Variants in CDYL2 observed in about 807,000 individuals in gnomAD.
The protein encoded by CDYL2 is chromodomain Y like 2.
In CDYL2, 23 loss-of-function variants were observed where a neutral mutation model predicts 49.4. That is an observed-to-expected ratio of 0.47 (90% CI 0.34 to 0.66). The LOEUF is 0.66. Among genes scored for constraint, CDYL2 ranks in the 30% least tolerant of loss-of-function variants. CDYL2 has a pLI of 0.01. For missense variants in CDYL2, 678 were observed against 656.4 expected (o/e 1.03, Z -0.36); for synonymous variants, 360 against 268.8 (o/e 1.34, Z -3.32).
At position 80,637,956 on chromosome 16, in the gene CDYL2, G is replaced by A. The variant is rs150741140; in HGVS notation, c.617-4720C>T. Reference sequence around the variant, plus strand: ...TGACAGCATCCAAAACAGGAAATACGTAGATATAAATCTAACAAAATATGT... The same window carrying A: ...TGACAGCATCCAAAACAGGAAATACATAGATATAAATCTAACAAAATATGT... On this transcript the variant is annotated intron_variant, in intron 2 of 6. Coordinates refer to ENST00000570137, the MANE Select transcript of CDYL2 (RefSeq NM_152342.4). 5.0e-3 allele frequency among the ~76,000 whole-genome samples: 756 copies of A among 152,220 alleles called. 2 individuals carry two copies. Among genetic ancestry groups the A allele is most frequent in the African/African-American group, 0.017 (706 of 41,540 alleles).
intron 2 of CDYL2, among the ~76,000 whole-genome samples, chr16:80,678,423 C>T (rs1037569136): frequency 5.9e-5 from 9 of 152,102 alleles, no homozygotes; most frequent in African/African-American, 1.9e-4. Flanking sequence ...AAGAGAAAAA[C>T]AAACAACCCC....
chr16:80,765,696 T>C (rs1426019248), intron 1 of CDYL2, among the ~76,000 whole-genome samples: 2 of 125,288 alleles, frequency 1.6e-5, no homozygotes, highest in East Asian at 2.3e-4. Flanking sequence ...ATAAGCAAAA[T>C]GTAATCTATC....
intron 2 of CDYL2, among the ~76,000 whole-genome samples, chr16:80,634,325 G>A (rs1907715367): frequency 6.6e-6 from 1 of 152,168 alleles, no homozygotes; most frequent in African/African-American, 2.4e-5. Flanking sequence ...CATAAAAAAG[G>A]ATGAGTTCAT....
intron 1 of CDYL2, among the ~76,000 whole-genome samples, chr16:80,715,855 GC>G (rs1362410527): frequency 6.6e-6 from 1 of 152,134 alleles, no homozygotes; most frequent in Non-Finnish European, 1.5e-5. Flanking sequence ...TGGCCCTTGT[GC>G]CCTGGAAAGT....
intron 2 of CDYL2, chr16:80,639,773 A>G (rs1279682151): frequency 2.2e-6 from 1 of 455,418 alleles, no homozygotes; most frequent in Non-Finnish European, 4.4e-6. Flanking sequence ...CTGAAGCAGT[A>G]GTGTGGTATG....
At chr16:80,782,859 T>C (rs1907317961) in intron 1 of CDYL2, among the ~76,000 whole-genome samples, 1 of 152,070 alleles carries the variant, frequency 6.6e-6, no homozygotes, top group Non-Finnish European at 1.5e-5. Flanking sequence ...CTTAACATCA[T>C]AAAAGATAAT....
At chr16:80,672,659 C>T (rs1013000767) in intron 2 of CDYL2, among the ~76,000 whole-genome samples, 1 of 151,774 alleles carries the variant, frequency 6.6e-6, no homozygotes, top group African/African-American at 2.4e-5. Flanking sequence ...TCTGGCTCTA[C>T]CTTGTTACCA....
intron 2 of CDYL2, among the ~76,000 whole-genome samples, chr16:80,665,168 T>C (rs1909207866): frequency 6.6e-6 from 1 of 152,174 alleles, no homozygotes; most frequent in African/African-American, 2.4e-5. Context: ...ACAAATCTTC[T>C]TAATTAAAAT....
At chr16:80,705,277 G>C (rs576477417) in intron 1 of CDYL2, among the ~76,000 whole-genome samples, 1 of 152,234 alleles carries the variant, frequency 6.6e-6, no homozygotes, top group Non-Finnish European at 1.5e-5. Flanking sequence ...CCGTCCCTCA[G>C]GGTCAGGTGG....
rs530994116 is a variant in CDYL2 at position 80,790,103 on chromosome 16, G to A, written c.24+14047C>T. Among the ~76,000 whole-genome samples, 10 of 152,266 alleles carry A rather than the reference G, an allele frequency of 6.6e-5. No homozygotes were observed. The East Asian group carries it at 1.5e-3, about 23-fold the overall frequency. On this transcript the variant is annotated intron_variant, in intron 1 of 6. Coordinates refer to ENST00000570137, the MANE Select transcript of CDYL2 (RefSeq NM_152342.4). Reference sequence around the variant, plus strand: ...TATAACTGTTTTTTACAATTATTATGAAGCATATTCAAGAAAAATAAGAAG... The same window carrying A: ...TATAACTGTTTTTTACAATTATTATAAAGCATATTCAAGAAAAATAAGAAG...
chr16:80,780,066 T>A (rs140386537), intron 1 of CDYL2, among the ~76,000 whole-genome samples: 58 of 152,184 alleles, frequency 3.8e-4, no homozygotes, highest in Non-Finnish European at 6.5e-4. Context: ...AAACTTCATA[T>A]AATCTAAGGA....
chr16:80,628,562 C>T (rs776238584), intron 3 of CDYL2, among the ~76,000 whole-genome samples: 8 of 152,172 alleles, frequency 5.3e-5, no homozygotes, highest in African/African-American at 1.2e-4. Flanking sequence ...TGTAAGAGAC[C>T]TTGAGCTGGA....
At chr16:80,666,440 A>T (rs1435952553) in intron 2 of CDYL2, among the ~76,000 whole-genome samples, 1 of 152,184 alleles carries the variant, frequency 6.6e-6, no homozygotes, top group African/African-American at 2.4e-5. Flanking sequence ...CTGCAGCCCA[A>T]ATGAGATGCA....
At chr16:80,779,808 A>C (rs534657934) in intron 1 of CDYL2, among the ~76,000 whole-genome samples, 5 of 152,164 alleles carry the variant, frequency 3.3e-5, no homozygotes, top group Non-Finnish European at 7.4e-5. Context: ...GCAAAGACAG[A>C]CTAGAAGGAT....
chr16:80,610,149 G>A (rs760796209), intron 5 of CDYL2, among the ~76,000 whole-genome samples: 3 of 152,188 alleles, frequency 2.0e-5, no homozygotes, highest in Admixed American at 6.5e-5. Context: ...AAGGGACAAT[G>A]CTTATCAGCC....
At chr16:80,627,309 C>T (rs545500517) in intron 3 of CDYL2, among the ~76,000 whole-genome samples, 1 of 152,100 alleles carries the variant, frequency 6.6e-6, no homozygotes, top group East Asian at 1.9e-4. Context: ...AAAAAGAAAC[C>T]CTGCTGTAAA....
intron 2 of CDYL2, among the ~76,000 whole-genome samples, chr16:80,635,698 A>C (rs1385069607): frequency 6.6e-6 from 1 of 152,254 alleles, no homozygotes; most frequent in Middle Eastern, 3.2e-3. Flanking sequence ...TTCTTTACAG[A>C]ATTAGAAAAA....
chr16:80,608,286 T>C, intron 5 of CDYL2, 51 bp from the exon 6 acceptor site: 1 of 1,499,794 alleles, frequency 6.7e-7, no homozygotes, highest in Non-Finnish European at 8.9e-7. Flanking sequence ...TCCACCCATG[T>C]CCCTCAGCTG....
At chr16:80,611,561 T>C (rs1028660322) in intron 5 of CDYL2, among the ~76,000 whole-genome samples, 1 of 152,090 alleles carries the variant, frequency 6.6e-6, no homozygotes, top group Non-Finnish European at 1.5e-5. Flanking sequence ...ACAGCTAATC[T>C]CAGATTAACC....
Sources: allele counts gnomAD v4.1 joint callset (sites outside exome capture counted in the v4.1 genomes callset), GRCh38; gene constraint gnomAD v4.1.1; transcripts MANE v1.5; gene names NCBI Gene and HGNC (gene_info 2026-07-23, HGNC 2026-07-21).